The following RMDN2 variants were observed in gnomAD, a reference collection of about 807,000 sequenced individuals.
RMDN2 encodes regulator of microtubule dynamics 2.
A neutral mutation model predicts 52.8 loss-of-function variants in RMDN2; 61 were observed. That is an observed-to-expected ratio of 1.16 (90% CI 0.94 to 1.43). The LOEUF (loss-of-function observed/expected upper bound fraction) is 1.43. Among genes scored for constraint, RMDN2 ranks in the 40% most tolerant of loss-of-function variants. RMDN2 has a pLI of 0.00. For missense variants in RMDN2, 592 were observed against 475.3 expected (o/e 1.25, Z -2.28); for synonymous variants, 180 against 153.1 (o/e 1.18, Z -1.30).
chr2:38,057,746 G>A (rs1256820792), intron 10 of RMDN2, among the ~76,000 whole-genome samples: 1 of 152,102 alleles, frequency 6.6e-6, no homozygotes, highest in East Asian at 1.9e-4. Flanking sequence ...TATAGTGAGT[G>A]GATTCTCATG....
intron 2 of RMDN2, among the ~76,000 whole-genome samples, chr2:37,951,049 T>TAC (rs1486906390): frequency 6.6e-6 from 1 of 152,112 alleles, no homozygotes; most frequent in Non-Finnish European, 1.5e-5. Context: ...TTCTTTTGGG[T>TAC]ACATCTGTGT....
intron 10 of RMDN2, among the ~76,000 whole-genome samples, chr2:38,025,980 C>T (rs552184035): frequency 6.6e-6 from 1 of 152,024 alleles, no homozygotes; most frequent in East Asian, 1.9e-4. Flanking sequence ...TTGAAAAGTA[C>T]CCTGCCTTCT....
intron 10 of RMDN2, among the ~76,000 whole-genome samples, chr2:38,040,953 T>C (rs1680909845): frequency 6.6e-6 from 1 of 152,260 alleles, no homozygotes; most frequent in Non-Finnish European, 1.5e-5. Context: ...GATTTTTACC[T>C]AGGTATTTCA....
chr2:37,988,784 T>C lies in RMDN2; in HGVS notation c.792-757T>C, dbSNP rs368794007. ...AAGATTTTTGTACAGGTAGAAACAC[T>C]CTGAATGTGAAAAGCAACATATCTT... On this transcript the variant is annotated intron_variant, in intron 5 of 10. Coordinates refer to ENST00000354545, the MANE Select transcript of RMDN2 (RefSeq NM_001170791.3). Among the ~76,000 whole-genome samples, 62 of 152,286 alleles carry C rather than the reference T, an allele frequency of 4.1e-4. 2 individuals are homozygous for C. In the South Asian group the frequency reaches 6.8e-3, roughly 17 times the overall value.
At chr2:38,000,221 T>C (rs1260993949) in intron 8 of RMDN2, among the ~76,000 whole-genome samples, 6 of 152,214 alleles carry the variant, frequency 3.9e-5, no homozygotes, top group Non-Finnish European at 8.8e-5. Context: ...AATTCTGGCA[T>C]GATTCCCTAG....
chr2:37,973,876 C>G (rs1672115287), intron 2 of RMDN2, among the ~76,000 whole-genome samples, 164 bp from the exon 3 acceptor site: 2 of 152,026 alleles, frequency 1.3e-5, no homozygotes, highest in African/African-American at 2.4e-5. Context: ...TGCGCAGGGA[C>G]TTGTAGACTT....
At chr2:37,955,633 G>A (rs1669353494) in intron 2 of RMDN2, among the ~76,000 whole-genome samples, 1 of 152,098 alleles carries the variant, frequency 6.6e-6, no homozygotes, top group African/African-American at 2.4e-5. Context: ...TAATGAGTAA[G>A]TCTCAAGAGA....
chr2:38,033,566 A>G (rs1048557086), intron 10 of RMDN2, among the ~76,000 whole-genome samples: 2 of 152,218 alleles, frequency 1.3e-5, no homozygotes, highest in African/African-American at 2.4e-5. Context: ...ATCCAATTCT[A>G]TATTTTTTGA....
At position 38,017,397 on chromosome 2, in the gene RMDN2, C is replaced by G. The variant is rs1345401087; in HGVS notation, c.*158C>G. The G allele has an allele frequency of 3.3e-5, 45 of 1,357,030 alleles. No individual in the cohort carries two copies. Among genetic ancestry groups the G allele is most frequent in the Non-Finnish European group, 4.2e-5 (44 of 1,041,982 alleles). The allele number at this position is 1,357,030 out of a possible 1,614,324, so 84.1% of individuals were successfully genotyped here. ...TGCAGAATGCATTCCACTAGTAGCA[C>G]TACAAAATTAATTATGTTATTTGGA... On this transcript the variant is annotated 3_prime_UTR_variant, in exon 11 of 11. Transcript: ENST00000354545.
chr2:38,017,335 G>A lies in RMDN2; in HGVS notation c.*96G>A, dbSNP rs922207206. 3.9e-5 allele frequency: 55 copies of A among 1,422,530 alleles called. No homozygotes were observed. In the African/African-American group the frequency reaches 6.1e-4, roughly 16 times the overall value. 88.1% of individuals were successfully genotyped at this position (1,422,530 alleles called of 1,614,324 possible). A position where few individuals can be genotyped will look rare whatever the true frequency, so the allele number is the denominator to read the frequency against. ...TATTATCCTTCATTTTTGATGTAAG[G>A]GTATTGTGCTTAGATTTGAAGGTAA... On this transcript the variant is annotated 3_prime_UTR_variant, in exon 11 of 11. Transcript: ENST00000354545.
At chr2:38,060,911 G>A (rs757602974) in intron 10 of RMDN2, among the ~76,000 whole-genome samples, 13 of 152,166 alleles carry the variant, frequency 8.5e-5, no homozygotes, top group Non-Finnish European at 1.5e-4. Context: ...GATGAGGGTG[G>A]AAATCTTTTT....
intron 10 of RMDN2, among the ~76,000 whole-genome samples, chr2:38,051,114 T>C (rs1681568817): frequency 6.6e-6 from 1 of 152,168 alleles, no homozygotes. Context: ...CCAACACCAG[T>C]GACAAGGATT....
chr2:38,004,858 CCCA>C (rs1676849075), intron 10 of RMDN2, among the ~76,000 whole-genome samples: 1 of 151,946 alleles, frequency 6.6e-6, no homozygotes, highest in Non-Finnish European at 1.5e-5. Flanking sequence ...CTCCCCCCAC[CCCA>C]CAACAGGCCC....
intron 2 of RMDN2, among the ~76,000 whole-genome samples, chr2:37,967,145 T>G (rs1234134209): frequency 1.3e-5 from 2 of 152,304 alleles, no homozygotes; most frequent in East Asian, 3.9e-4. Context: ...AAAATGAATT[T>G]TGTTTGTGTC....
intron 10 of RMDN2, among the ~76,000 whole-genome samples, chr2:38,040,699 C>T (rs1009704246): frequency 1.3e-5 from 2 of 152,180 alleles, no homozygotes; most frequent in African/African-American, 4.8e-5. Context: ...ATTGTCTGTT[C>T]TGGGTATTTT....
chr2:38,014,268 G>C (rs533952882), intron 10 of RMDN2, among the ~76,000 whole-genome samples: 1 of 151,956 alleles, frequency 6.6e-6, no homozygotes. Context: ...GACTTTTCCC[G>C]CTGTCTAAAC....
intron 2 of RMDN2, among the ~76,000 whole-genome samples, chr2:37,939,526 A>G (rs1280219516): frequency 6.6e-6 from 1 of 152,138 alleles, no homozygotes; most frequent in African/African-American, 2.4e-5. Flanking sequence ...GTGGGAGTCT[A>G]AGTCTCTTTG....
Position 38,008,510 on chromosome 2 carries a change from C to T in RMDN2, c.1179+4294C>T, listed in dbSNP as rs954224058. Among the ~76,000 whole-genome samples, 7 of 152,178 alleles carry T rather than the reference C, an allele frequency of 4.6e-5. 1 individual carries two copies. The highest frequency in any genetic ancestry group is 1.0e-4 in the Non-Finnish European group (7 of 68,036). On this transcript the variant is annotated intron_variant, in intron 10 of 10. Coordinates refer to ENST00000354545, the MANE Select transcript of RMDN2 (RefSeq NM_001170791.3). ...TTTGTTGGTTTAAAGTCTGTTTTCT[C>T]AGAGACTGGGATTGCAACCCCTGCC... is the stretch of plus-strand genomic sequence containing the variant.
intron 10 of RMDN2, among the ~76,000 whole-genome samples, chr2:38,016,467 C>T (rs975273314): frequency 2.0e-5 from 3 of 152,216 alleles, no homozygotes; most frequent in African/African-American, 7.2e-5. Context: ...GAAATGCCTT[C>T]AGTGACCATT....
Sources: allele counts gnomAD v4.1 joint callset (sites outside exome capture counted in the v4.1 genomes callset), GRCh38; gene constraint gnomAD v4.1.1; transcripts MANE v1.5; gene names NCBI Gene and HGNC (gene_info 2026-07-23, HGNC 2026-07-21).